Variants in HTR7 observed in about 807,000 individuals in gnomAD.
The protein encoded by HTR7 is 5-hydroxytryptamine receptor 7.
A neutral mutation model predicts 34.0 loss-of-function variants in HTR7; 16 were observed. The observed-to-expected ratio is 0.47, with a 90% CI of 0.32 to 0.71. HTR7 has a LOEUF of 0.71. HTR7 is among the 30% of genes least tolerant of loss of function. The probability of loss-of-function intolerance (pLI) is 0.04; values close to 1 mark genes in which losing one functional copy is unlikely to be tolerated. For missense variants in HTR7, 504 were observed against 625.5 expected, an observed-to-expected ratio of 0.81 and a Z score of 2.07; for synonymous variants, 265 against 260.2, an observed-to-expected ratio of 1.02 and a Z score of -0.18.
chr10:90,834,871 G>A (rs1459634323), intron 1 of HTR7, among the ~76,000 whole-genome samples: 1 of 152,192 alleles, frequency 6.6e-6, no homozygotes, highest in Non-Finnish European at 1.5e-5. Flanking sequence ...TCACCCTTGA[G>A]AGGGGTGTGC....
chr10:90,804,314 C>G (rs1303200700), intron 1 of HTR7, among the ~76,000 whole-genome samples: 1 of 152,164 alleles, frequency 6.6e-6, no homozygotes, highest in Non-Finnish European at 1.5e-5. Context: ...AGACAAGAAC[C>G]TGGGTACCAA....
At position 90,857,141 on chromosome 10, in the gene HTR7, G is replaced by A. The variant is rs1431438686; in HGVS notation, c.531C>T (p.Ser177=). ...TASIMTLCVI[S]IDRYLGITRP... ...GGCGGTCCGGCCCTTACCTGTCAAT[G>A]CTGATCACGCACAGGGTCATGATCG... Residue 177 remains serine, a synonymous_variant, in exon 1 of 4, where the codon AGC becomes AGT. Coordinates refer to ENST00000336152, the MANE Select transcript of HTR7 (RefSeq NM_019859.4). This position sits in a 1 kb window ranked among gnomAD's most constrained non-coding sequence, Gnocchi z 6.5. The A allele has an allele frequency of 4.4e-6, 7 of 1,592,792 alleles. No individual in the cohort carries two copies. The African/African-American group carries it at 9.4e-5, about 21-fold the overall frequency.
intron 1 of HTR7, among the ~76,000 whole-genome samples, chr10:90,831,106 T>C (rs552068035): frequency 7.1e-4 from 108 of 152,318 alleles, no homozygotes; most frequent in African/African-American, 2.5e-3. Flanking sequence ...AAGAAATAGA[T>C]TGCACATTCC....
intron 1 of HTR7, among the ~76,000 whole-genome samples, chr10:90,851,264 A>G (rs559583368): frequency 1.3e-5 from 2 of 152,262 alleles, no homozygotes; most frequent in East Asian, 1.9e-4. Context: ...AGTTCTGGGG[A>G]AAAAAACTAG....
chr10:90,764,394 C>T (rs1844985993), intron 1 of HTR7, among the ~76,000 whole-genome samples: 1 of 152,090 alleles, frequency 6.6e-6, no homozygotes, highest in African/African-American at 2.4e-5. Flanking sequence ...AAAATTTTCT[C>T]CCATTCTGTA....
intron 1 of HTR7, among the ~76,000 whole-genome samples, chr10:90,768,044 T>C (rs1845049625): frequency 6.6e-6 from 1 of 152,164 alleles, no homozygotes; most frequent in Admixed American, 6.6e-5. Flanking sequence ...TCTGGCACCA[T>C]CTCGACATGT....
chr10:90,805,807 A>G (rs897727835), intron 1 of HTR7, among the ~76,000 whole-genome samples: 2 of 152,224 alleles, frequency 1.3e-5, no homozygotes, highest in South Asian at 4.1e-4. Flanking sequence ...ACTCTAATCA[A>G]TAGGCTTAAA....
intron 1 of HTR7, among the ~76,000 whole-genome samples, chr10:90,841,257 T>C (rs1336382290): frequency 1.3e-5 from 2 of 152,236 alleles, no homozygotes; most frequent in African/African-American, 2.4e-5. Flanking sequence ...TTCTTAACCA[T>C]AAATCTAAAG....
chr10:90,759,136 G>A (rs71479058), intron 1 of HTR7, among the ~76,000 whole-genome samples: 11 of 149,702 alleles, frequency 7.3e-5, no homozygotes, highest in Non-Finnish European at 1.2e-4. Flanking sequence ...GCGGTGAGCC[G>A]AGATCGTGCC....
At chr10:90,784,217 T>C (rs1845348937) in intron 1 of HTR7, among the ~76,000 whole-genome samples, 1 of 152,242 alleles carries the variant, frequency 6.6e-6, no homozygotes, top group Non-Finnish European at 1.5e-5. Context: ...AAATTAATTA[T>C]ATAGGACTCT....
At chr10:90,825,284 C>T (rs11186324) in intron 1 of HTR7, among the ~76,000 whole-genome samples, 57,571 of 151,994 alleles carry the variant, frequency 0.38, 11,977 homozygotes, top group African/African-American at 0.56. Flanking sequence ...TATACCTCTA[C>T]AAGGCTGCCG....
chr10:90,744,974 T>A (rs1435707574), intron 2 of HTR7, among the ~76,000 whole-genome samples: 3 of 152,192 alleles, frequency 2.0e-5, no homozygotes, highest in Non-Finnish European at 2.9e-5. Context: ...CCTTTCACTA[T>A]AAATGCTTTG....
chr10:90,832,439 C>T (rs1846193132), intron 1 of HTR7, among the ~76,000 whole-genome samples: 2 of 152,212 alleles, frequency 1.3e-5, no homozygotes, highest in African/African-American at 4.8e-5. Context: ...CCCCTCACTG[C>T]TTGGGGTGGC....
intron 1 of HTR7, among the ~76,000 whole-genome samples, chr10:90,794,089 C>A (rs115388107): frequency 0.016 from 2,469 of 152,300 alleles, 82 homozygotes; most frequent in African/African-American, 0.055. Flanking sequence ...AAATACTTTG[C>A]ATCCTTCAAT....
chr10:90,755,311 TG>T (rs1477484726), intron 1 of HTR7, among the ~76,000 whole-genome samples: 5 of 152,208 alleles, frequency 3.3e-5, no homozygotes, highest in African/African-American at 9.6e-5. Context: ...TTAATCAAGT[TG>T]TAGATTTTTC....
chr10:90,850,639 T>C (rs1241868080), intron 1 of HTR7, among the ~76,000 whole-genome samples: 3 of 151,892 alleles, frequency 2.0e-5, no homozygotes, highest in Non-Finnish European at 4.4e-5. Flanking sequence ...TATAACAAGA[T>C]GAAGAAATTA....
At chr10:90,781,299 T>C (rs1845302288) in intron 1 of HTR7, among the ~76,000 whole-genome samples, 1 of 152,222 alleles carries the variant, frequency 6.6e-6, no homozygotes, top group African/African-American at 2.4e-5. Context: ...CCTATTAGTA[T>C]ATATAAACAC....
At chr10:90,852,839 T>G (rs1426634403) in intron 1 of HTR7, among the ~76,000 whole-genome samples, 1 of 152,208 alleles carries the variant, frequency 6.6e-6, no homozygotes. Context: ...TGGTTCCCTT[T>G]GCAAGCAATA....
intron 1 of HTR7, among the ~76,000 whole-genome samples, chr10:90,794,756 G>A (rs759208913): frequency 6.6e-6 from 1 of 152,160 alleles, no homozygotes; most frequent in Non-Finnish European, 1.5e-5. Flanking sequence ...TCCTACCTCA[G>A]CCTCCCAAAG....
Sources: gnomAD v4.1 joint callset for allele counts (sites outside exome capture counted in the v4.1 genomes callset) on GRCh38, gnomAD v4.1.1 for gene constraint, Gnocchi (gnomAD v3.1) non-coding constraint, MANE v1.5 for transcripts, NCBI Gene and HGNC (gene_info 2026-07-23, HGNC 2026-07-21) for gene names.